The following WNK1 variants were observed in gnomAD, a reference collection of about 807,000 sequenced individuals.
WNK1 encodes the protein WNK lysine deficient protein kinase 1.
In WNK1, 38 loss-of-function variants were observed where a neutral mutation model predicts 222.8. That is an observed-to-expected ratio of 0.17 (90% CI 0.13 to 0.22). The LOEUF (loss-of-function observed/expected upper bound fraction) is 0.22. Ranked by LOEUF, WNK1 falls within the 10% of genes least tolerant of loss-of-function variation. The probability of loss-of-function intolerance (pLI) is 1.00; values close to 1 mark genes in which losing one functional copy is unlikely to be tolerated. For synonymous variants in WNK1, 1,090 were observed against 1,092.9 expected (o/e 1.00, Z 0.05); for missense variants, 2,348 against 2,918.4 (o/e 0.80, Z 4.50).
intron 1 of WNK1, among the ~76,000 whole-genome samples, chr12:798,900 T>C (rs888128728): frequency 1.3e-5 from 2 of 152,218 alleles, no homozygotes; most frequent in African/African-American, 4.8e-5. Context: ...TACCATCTAT[T>C]GTACGGGGAT....
intron 1 of WNK1, among the ~76,000 whole-genome samples, chr12:773,634 A>G (rs768105492): frequency 5.9e-5 from 9 of 152,204 alleles, no homozygotes; most frequent in Non-Finnish European, 8.8e-5. Flanking sequence ...GATGGATTTT[A>G]ATATTTATTC....
chr12:755,138 C>T (rs1939807999), intron 1 of WNK1, among the ~76,000 whole-genome samples: 1 of 152,154 alleles, frequency 6.6e-6, no homozygotes, highest in Non-Finnish European at 1.5e-5. Flanking sequence ...TTGACTAGTA[C>T]ATTCTAGGTT....
chr12:843,506 T>G lies in WNK1; in HGVS notation c.1311+13346T>G, dbSNP rs146632371. Among the ~76,000 whole-genome samples, 450 of 152,338 alleles carry G rather than the reference T, an allele frequency of 3.0e-3. 4 individuals are homozygous for G. The Middle Eastern group carries it at 0.037, about 13-fold the overall frequency. On this transcript the variant is annotated intron_variant, in intron 4 of 27. Coordinates refer to ENST00000315939, the MANE Select transcript of WNK1 (RefSeq NM_018979.4). Reference sequence around the variant, plus strand: ...AGGGGCATTTCCACATTTTTGCAAATCTAATGTCTAGTCTAAAAGAAGATT... The same window carrying G: ...AGGGGCATTTCCACATTTTTGCAAAGCTAATGTCTAGTCTAAAAGAAGATT...
intron 2 of WNK1, among the ~76,000 whole-genome samples, chr12:816,302 C>G (rs1947329142): frequency 6.6e-6 from 1 of 152,132 alleles, no homozygotes; most frequent in Non-Finnish European, 1.5e-5. Flanking sequence ...CAGGGTCTCA[C>G]TCGGTTGCCC....
chr12:775,523 A>G (rs769447661), intron 1 of WNK1, among the ~76,000 whole-genome samples: 1 of 152,170 alleles, frequency 6.6e-6, no homozygotes, highest in Non-Finnish European at 1.5e-5. Context: ...CAGCCTGAGC[A>G]ACATAGCAAG....
intron 1 of WNK1, among the ~76,000 whole-genome samples, chr12:791,130 G>T (rs1944789599): frequency 1.3e-5 from 2 of 151,814 alleles, no homozygotes; most frequent in Admixed American, 1.3e-4. Flanking sequence ...AGTAAATATT[G>T]TGGATGTCAT....
At chr12:836,503 A>G (rs775354076) in intron 4 of WNK1, among the ~76,000 whole-genome samples, 2 of 152,204 alleles carry the variant, frequency 1.3e-5, no homozygotes, top group Non-Finnish European at 2.9e-5. Context: ...GCTTTCTGCT[A>G]CAAAAGATTG....
intron 20 of WNK1, among the ~76,000 whole-genome samples, chr12:888,543 A>G (rs953978406): frequency 6.6e-6 from 1 of 152,190 alleles, no homozygotes. Flanking sequence ...AGACAGATGT[A>G]GGATTAGACT....
intron 26 of WNK1, among the ~76,000 whole-genome samples, chr12:904,779 G>A (rs1955560857): frequency 6.6e-6 from 1 of 152,124 alleles, no homozygotes; most frequent in African/African-American, 2.4e-5. Context: ...GCGATCCTTT[G>A]GTCAGCAAAT....
Position 885,960 on chromosome 12 carries a change from G to A in WNK1, c.5156G>A (p.Gly1719Glu). 1 of 1,592,800 alleles carries A rather than the reference G, an allele frequency of 6.3e-7. No individual in the cohort carries two copies. Among genetic ancestry groups the A allele is most frequent in the South Asian group, 1.1e-5 (1 of 87,214 alleles). Residue 1719 changes from glycine to glutamate, a missense_variant, in exon 19 of 28, where the codon GGA becomes GAA. Coordinates refer to ENST00000315939, the MANE Select transcript of WNK1 (RefSeq NM_018979.4). ...TTACCACCAACCAATTTACCACTAG[G>A]AACAGTTGCTTTGCCAGTTACACCA... ...TCLPPTNLPL[G>E]TVALPVTPVV... is the part of the protein sequence containing the mutation.
chr12:831,407 G>A (rs1163090573), intron 4 of WNK1, among the ~76,000 whole-genome samples: 1 of 151,910 alleles, frequency 6.6e-6, no homozygotes, highest in Non-Finnish European at 1.5e-5. Flanking sequence ...GCGTGGTGGT[G>A]CACCCCTGTA....
At chr12:832,086 T>C (rs1244637398) in intron 4 of WNK1, among the ~76,000 whole-genome samples, 1 of 152,198 alleles carries the variant, frequency 6.6e-6, no homozygotes, top group African/African-American at 2.4e-5. Flanking sequence ...TTTATTTATT[T>C]ATTTTTTGAG....
At chr12:864,881 A>G (rs1366387224) in intron 8 of WNK1, among the ~76,000 whole-genome samples, 1 of 152,086 alleles carries the variant, frequency 6.6e-6, no homozygotes, top group Non-Finnish European at 1.5e-5. Flanking sequence ...TATCATGATC[A>G]TTCATTAAAC....
In WNK1 at chr12:874,004, CACAA is replaced by C. The variant is rs1352759569; in HGVS notation, c.2223+2662_2223+2665del. On this transcript the variant is annotated intron_variant, in intron 9 of 27. Coordinates refer to ENST00000315939, the MANE Select transcript of WNK1 (RefSeq NM_018979.4). ...GCCTCCTGCTGAAAAGCTTTGTGAC[CACAA>C]ACAAAGTTGTGAACTTTGTCAGACA... Among the ~76,000 whole-genome samples the C allele has an allele frequency of 2.0e-5, 3 of 151,460 alleles. No individual in the cohort carries two copies. The South Asian group carries it at 6.3e-4, about 32-fold the overall frequency.
intron 4 of WNK1, among the ~76,000 whole-genome samples, chr12:852,765 C>T (rs1421563927): frequency 1.3e-5 from 2 of 152,072 alleles, no homozygotes; most frequent in Admixed American, 6.5e-5. Context: ...GTCTTAAGAA[C>T]GAGAAACCTA....
chr12:904,907 GA>G (rs1955573300), intron 26 of WNK1, among the ~76,000 whole-genome samples: 1 of 152,236 alleles, frequency 6.6e-6, no homozygotes, highest in Non-Finnish European at 1.5e-5. Context: ...TTGACGAGGA[GA>G]AAAACACCAC....
rs777860000 is a variant in WNK1, at chr12:885,000, C to G, written c.4196C>G (p.Pro1399Arg). The G allele has an allele frequency of 5.0e-6, 8 of 1,614,124 alleles. No homozygotes were observed. In the South Asian group the frequency reaches 8.8e-5, roughly 18 times the overall value. ...GGTGTGGTAACTTCAGGTGGTCTCC[C>G]CATACCACCTGTGTCTGAATCACCA... ...STGVVTSGGL[P>R]IPPVSESPVL... The change falls in exon 19 of 28, where the codon CCC becomes CGC. Residue 1399 changes from proline (P) to arginine (R), a missense_variant. Coordinates refer to ENST00000315939, the MANE Select transcript of WNK1 (RefSeq NM_018979.4). This position sits in a 1 kb window ranked among gnomAD's most constrained non-coding sequence, Gnocchi z 5.6.
Position 830,013 on chromosome 12 carries a change from G to A in WNK1, c.1164G>A (p.Glu388=). 1.9e-6 allele frequency: 3 copies of A among 1,614,076 alleles called. No individual in the cohort carries two copies. Among genetic ancestry groups the A allele is most frequent in the Non-Finnish European group, 2.5e-6 (3 of 1,180,014 alleles). The part of the protein sequence containing the change: ...SFAKSVIGTP[E]FMAPEMYEEK... ...TTCTTTTAATTTAAGGTACCCCAGA[G>A]TTCATGGCCCCTGAGATGTATGAGG... The change falls in exon 4 of 28, where the codon GAG becomes GAA. Residue 388 remains glutamate, a synonymous_variant. Coordinates refer to ENST00000315939, the MANE Select transcript of WNK1 (RefSeq NM_018979.4).
intron 4 of WNK1, among the ~76,000 whole-genome samples, chr12:845,141 C>T (rs1262358394): frequency 4.6e-5 from 7 of 151,736 alleles, no homozygotes; most frequent in Middle Eastern, 3.4e-3. Flanking sequence ...GTGATCCGCC[C>T]GCCTCAGCCT....
Sources: allele counts gnomAD v4.1 joint callset (sites outside exome capture counted in the v4.1 genomes callset), GRCh38; gene constraint gnomAD v4.1.1; non-coding constraint Gnocchi (gnomAD v3.1); transcripts MANE v1.5; gene names NCBI Gene and HGNC (gene_info 2026-07-23, HGNC 2026-07-21).